TEX11: variants seen among roughly 807,000 people sequenced by gnomAD.
TEX11 encodes testis-expressed protein 11.
Under a neutral mutation model 84.4 loss-of-function variants are expected in TEX11, and 7 were observed. The ratio of observed to expected loss-of-function variants is 0.08; its 90% CI spans 0.05 to 0.16. The LOEUF is 0.16. TEX11 is among the 10% of genes least tolerant of loss of function. The pLI is 1.00. For synonymous variants in TEX11, 264 were observed against 222.8 expected (o/e 1.18, Z -1.64); for missense variants, 551 against 660.5 (o/e 0.83, Z 1.82).
chrX:70,640,225 A>G (rs2089635830), intron 17 of TEX11, among the ~76,000 whole-genome samples: 1 of 108,754 alleles, frequency 9.2e-6, no homozygotes, highest in South Asian at 4.1e-4. Context: ...GAGAAAAAAG[A>G]ATAAAAAGAA....
chrX:70,585,910 G>A, intron 25 of TEX11, among the ~76,000 whole-genome samples: 1 of 112,257 alleles, frequency 8.9e-6, no homozygotes, highest in South Asian at 3.7e-4. Flanking sequence ...AAATTAGCCA[G>A]GCATGGTGGT....
the TEX11 span, among the ~76,000 whole-genome samples, chrX:70,517,015 T>C: frequency 9.0e-6 from 1 of 111,708 alleles, no homozygotes; most frequent in Non-Finnish European, 1.9e-5. Flanking sequence ...CTTAAGGAGA[T>C]TTGGGGCTAA....
chrX:70,637,307 T>C (rs2089587278), intron 17 of TEX11, among the ~76,000 whole-genome samples: 2 of 112,535 alleles, frequency 1.8e-5, no homozygotes, highest in South Asian at 7.4e-4. Flanking sequence ...TTTTACACTG[T>C]TGGTGGGAAT....
chrX:70,664,402 A>T (rs1233589165), intron 16 of TEX11, among the ~76,000 whole-genome samples: 1 of 111,265 alleles, frequency 9.0e-6, no homozygotes, highest in Non-Finnish European at 1.9e-5. Context: ...TCATCATTTC[A>T]ACCTATTAAG....
intron 24 of TEX11, among the ~76,000 whole-genome samples, chrX:70,599,287 CCCACT>C (rs1427865969): frequency 8.9e-6 from 1 of 112,106 alleles, no homozygotes; most frequent in Non-Finnish European, 1.9e-5. Flanking sequence ...CAGTAGTTTA[CCCACT>C]CCTGCTCTAG....
intron 7 of TEX11, among the ~76,000 whole-genome samples, chrX:70,851,362 A>G (rs1325549988): frequency 8.9e-6 from 1 of 111,998 alleles, no homozygotes; most frequent in Non-Finnish European, 1.9e-5. Flanking sequence ...AGTCTTCTCA[A>G]CAAATGGTAC....
chrX:70,658,810 C>T (rs183554281), intron 16 of TEX11, among the ~76,000 whole-genome samples: 2 of 110,920 alleles, frequency 1.8e-5, no homozygotes, highest in East Asian at 5.7e-4. Flanking sequence ...CAAGACTTAG[C>T]TATGAAGATA....
rs184815591 is a variant in TEX11 at position 70,683,989 on chromosome X, C to T, written c.1005-1164G>A. Among the ~76,000 whole-genome samples the T allele has an allele frequency of 7.3e-3, 807 of 110,082 alleles. 3 individuals are homozygous for T. The highest frequency in any genetic ancestry group is 0.026 in the African/African-American group (772 of 29,232). On this transcript the variant is annotated intron_variant, in intron 13 of 29. Transcript: ENST00000374333. ...CTTTCAGCAAATGGTGCTAGGAAAACGGGATTTCCACATGCAAATGAATGA... is the reference window on the plus strand; with the variant it reads ...CTTTCAGCAAATGGTGCTAGGAAAATGGGATTTCCACATGCAAATGAATGA...
chrX:70,700,875 T>C (rs2090320248), intron 13 of TEX11, among the ~76,000 whole-genome samples: 1 of 112,138 alleles, frequency 8.9e-6, no homozygotes, highest in African/African-American at 3.2e-5. Flanking sequence ...GACAAAGTTT[T>C]AGTGGTCTGG....
chrX:70,663,847 C>T (rs766133340), intron 16 of TEX11, among the ~76,000 whole-genome samples: 5 of 111,423 alleles, frequency 4.5e-5, no homozygotes, highest in East Asian at 5.6e-4. Context: ...GTTGTTCCCT[C>T]GTATCTTTAG....
intron 17 of TEX11, among the ~76,000 whole-genome samples, chrX:70,634,801 A>G (rs2089551392): frequency 8.9e-6 from 1 of 112,193 alleles, no homozygotes; most frequent in South Asian, 3.6e-4. Flanking sequence ...TAAACCTAAA[A>G]CTGTAAAATT....
intron 28 of TEX11, among the ~76,000 whole-genome samples, chrX:70,543,705 A>T (rs773882488): frequency 8.9e-6 from 1 of 112,383 alleles, no homozygotes. Flanking sequence ...TTTGTATCAG[A>T]TTGTCACCCT....
intron 4 of TEX11, among the ~76,000 whole-genome samples, 179 bp from the exon 5 acceptor site, chrX:70,861,115 G>A (rs1443814503): frequency 1.0e-5 from 1 of 97,006 alleles, no homozygotes; most frequent in Non-Finnish European, 2.1e-5. Context: ...AGGCTGGAGT[G>A]CAGTGGCGGG....
intron 9 of TEX11, among the ~76,000 whole-genome samples, chrX:70,776,328 G>A (rs1169552672): frequency 5.4e-5 from 6 of 110,662 alleles, no homozygotes; most frequent in East Asian, 5.6e-4. Flanking sequence ...TTGGGGGGCC[G>A]AGGTGGGTGG....
chrX:70,675,905 C>T (rs1300718148), intron 15 of TEX11, among the ~76,000 whole-genome samples: 1 of 111,973 alleles, frequency 8.9e-6, no homozygotes, highest in Non-Finnish European at 1.9e-5. Flanking sequence ...GCTAGGATTG[C>T]AGGTGTGAGC....
At chrX:70,812,948 A>G (rs1272119433) in intron 8 of TEX11, among the ~76,000 whole-genome samples, 1 of 111,613 alleles carries the variant, frequency 9.0e-6, no homozygotes, top group African/African-American at 3.3e-5. Context: ...AATTGAGGCA[A>G]TAATTAATAG....
chrX:70,727,554 C>T (rs1219616980), intron 11 of TEX11, among the ~76,000 whole-genome samples: 1 of 111,764 alleles, frequency 8.9e-6, no homozygotes, highest in Non-Finnish European at 1.9e-5. Context: ...AATTCCCTTG[C>T]TTTTCTTTAT....
chrX:70,580,509 G>A (rs1488302882), intron 25 of TEX11, among the ~76,000 whole-genome samples: 1 of 112,203 alleles, frequency 8.9e-6, no homozygotes, highest in East Asian at 2.8e-4. Flanking sequence ...GTACCCTAAT[G>A]TGATTATCAC....
intron 7 of TEX11, among the ~76,000 whole-genome samples, chrX:70,839,399 G>C (rs1421219838): frequency 1.8e-5 from 2 of 112,025 alleles, no homozygotes; most frequent in Non-Finnish European, 3.8e-5. Flanking sequence ...TGGACCTCTA[G>C]CAAACTCCAA....
Sources: allele counts gnomAD v4.1 joint callset (sites outside exome capture counted in the v4.1 genomes callset), GRCh38; gene constraint gnomAD v4.1.1; transcripts MANE v1.5; gene names NCBI Gene and HGNC (gene_info 2026-07-23, HGNC 2026-07-21).